The following ATP11A variants were observed in gnomAD, a reference collection of about 807,000 sequenced individuals.
The protein encoded by ATP11A is ATPase phospholipid transporting 11A.
Under a neutral mutation model 154.4 loss-of-function variants are expected in ATP11A, and 81 were observed. That is an observed-to-expected ratio of 0.52 (90% CI 0.44 to 0.63). The LOEUF is 0.63. Ranked by LOEUF, ATP11A falls within the 30% of genes least tolerant of loss-of-function variation. The probability of loss-of-function intolerance (pLI) is 0.00; values close to 1 mark genes in which losing one functional copy is unlikely to be tolerated. For missense variants in ATP11A, 1,316 were observed against 1,474.3 expected, an observed-to-expected ratio of 0.89 and a Z score of 1.76; for synonymous variants, 623 against 585.9, an observed-to-expected ratio of 1.06 and a Z score of -0.91.
rs2080900723 is a variant in ATP11A at position 112,882,079 on chromosome 13, C to A, written c.*213C>A. The A allele has an allele frequency of 2.9e-6, 4 of 1,364,750 alleles. No individual in the cohort carries two copies. Among genetic ancestry groups the A allele is most frequent in the Non-Finnish European group, 3.9e-6 (4 of 1,020,092 alleles). 84.5% of individuals were successfully genotyped at this position (1,364,750 alleles called of 1,614,324 possible). A position where few individuals can be genotyped will look rare whatever the true frequency, so the allele number is the denominator to read the frequency against. On this transcript the variant is annotated 3_prime_UTR_variant, in exon 30 of 30. Coordinates refer to ENST00000375645, the MANE Select transcript of ATP11A (RefSeq NM_015205.3). The surrounding 1 kb of genome is among the most constrained non-coding windows in gnomAD (Gnocchi z 5.1). ...TGCTCGTGTGATGGATGGTCCTAAG[C>A]CTGTGGAGACTGTGCACGTGCCTCT...
At chr13:112,842,404 T>C in intron 17 of ATP11A, 25 bp downstream of exon 17, 1 of 1,531,124 alleles carries the variant, frequency 6.5e-7, no homozygotes, top group South Asian at 1.2e-5. Context: ...GGGGAGGGCC[T>C]CGTGGCGGTC....
In ATP11A at chr13:112,851,017, C is replaced by T. The variant is rs373808270; in HGVS notation, c.1810-20C>T. On this transcript the variant is annotated intron_variant, in intron 17 of 29. Coordinates refer to ENST00000375645, the MANE Select transcript of ATP11A (RefSeq NM_015205.3). The stretch of plus-strand genomic sequence containing the variant: ...AGTGACACCTTGAATTCGTGCTAAA[C>T]GCTGCATTGTGTTCTGCAGGAGGGG... 42 of 1,607,576 alleles carry T rather than the reference C, an allele frequency of 2.6e-5. No individual in the cohort carries two copies. The African/African-American group carries it at 3.9e-4, about 15-fold the overall frequency.
At chr13:112,856,978 G>T (rs1022385086) in intron 20 of ATP11A, among the ~76,000 whole-genome samples, 2 of 152,194 alleles carry the variant, frequency 1.3e-5, no homozygotes, top group African/African-American at 4.8e-5. Flanking sequence ...TGAGGAAGAC[G>T]GTTTGATGTC....
intron 1 of ATP11A, among the ~76,000 whole-genome samples, chr13:112,776,434 C>T (rs917953039): frequency 3.3e-5 from 5 of 152,134 alleles, no homozygotes; most frequent in African/African-American, 1.2e-4. Context: ...CAGTGCTGCC[C>T]CTCAAAAGGC....
In ATP11A at chr13:112,746,948, C is replaced by T. The variant is rs1371861695; in HGVS notation, c.40-38187C>T. Reference sequence around the variant, plus strand: ...TGAGGTTCTTTGCCTATTTTAAAATCGGGTAATTGATTTTTTTCTGTCATT... The same window carrying T: ...TGAGGTTCTTTGCCTATTTTAAAATTGGGTAATTGATTTTTTTCTGTCATT... On this transcript the variant is annotated intron_variant, in intron 1 of 29. Coordinates refer to ENST00000375645, the MANE Select transcript of ATP11A (RefSeq NM_015205.3). This position sits in a 1 kb window ranked among gnomAD's most constrained non-coding sequence, Gnocchi z 4.1. 6.6e-6 allele frequency: 1 copy of T among 151,010 alleles called. No individual in the cohort carries two copies. The highest frequency in any genetic ancestry group is 1.5e-5 in the Non-Finnish European group (1 of 67,932). The allele number at this position is 151,010 out of a possible 1,614,324, so 9.4% of individuals were successfully genotyped here.
At chr13:112,776,317 T>C (rs550693501) in intron 1 of ATP11A, among the ~76,000 whole-genome samples, 16 of 152,256 alleles carry the variant, frequency 1.1e-4, no homozygotes, top group Middle Eastern at 3.4e-3. Context: ...ACTGGGCGCA[T>C]TGGAGCAAAT....
At chr13:112,878,173 G>T (rs375621242) in intron 28 of ATP11A, 44 bp from the exon 29 acceptor site, 21 of 1,567,928 alleles carry the variant, frequency 1.3e-5, no homozygotes, top group Admixed American at 3.3e-5. Context: ...CTCACACCTT[G>T]TTCACACACC....
At chr13:112,840,122 C>T (rs2079355959) in intron 16 of ATP11A, among the ~76,000 whole-genome samples, 1 of 148,040 alleles carries the variant, frequency 6.8e-6, no homozygotes, top group Non-Finnish European at 1.5e-5. Flanking sequence ...GCCTCAGCCT[C>T]CCCACTCTCC....
intron 1 of ATP11A, among the ~76,000 whole-genome samples, chr13:112,708,492 C>G (rs1226821219): frequency 6.6e-6 from 1 of 152,174 alleles, no homozygotes; most frequent in Non-Finnish European, 1.5e-5. Context: ...ATGAAATTGA[C>G]TAGAAACCCT....
chr13:112,800,974 C>T (rs1041241356), intron 2 of ATP11A, among the ~76,000 whole-genome samples: 1 of 152,174 alleles, frequency 6.6e-6, no homozygotes, highest in Admixed American at 6.5e-5. Flanking sequence ...AAACTAAAAA[C>T]AGAGGGGAAT....
chr13:112,827,685 G>A (rs2070431457), intron 12 of ATP11A, among the ~76,000 whole-genome samples: 1 of 152,244 alleles, frequency 6.6e-6, no homozygotes, highest in South Asian at 2.1e-4. Flanking sequence ...TAGCGATTTT[G>A]AAGGATATTT....
chr13:112,823,953 T>C (rs1157319848), intron 9 of ATP11A, among the ~76,000 whole-genome samples: 2 of 152,360 alleles, frequency 1.3e-5, no homozygotes, highest in Non-Finnish European at 1.5e-5. Flanking sequence ...TTACTTCTGA[T>C]ACCTAGCACG....
In ATP11A at chr13:112,886,056, A is replaced by C. The variant is rs530711172; in HGVS notation, c.*4190A>C. On this transcript the variant is annotated 3_prime_UTR_variant, in exon 30 of 30. Transcript: ENST00000375645. ...CACCCACGCCGCACCTCATCCGTGC[A>C]CGCGTCGGAGCACGGCCAGCCTTCC... 3 of 152,440 alleles carry C rather than the reference A, an allele frequency of 2.0e-5. No homozygotes were observed. The highest frequency in any genetic ancestry group is 7.2e-5 in the African/African-American group (3 of 41,590). 9.4% of individuals were successfully genotyped at this position (152,440 alleles called of 1,614,324 possible).
At chr13:112,716,789 G>A (rs1888507435) in intron 1 of ATP11A, among the ~76,000 whole-genome samples, 1 of 152,220 alleles carries the variant, frequency 6.6e-6, no homozygotes, top group Non-Finnish European at 1.5e-5. Flanking sequence ...GCTCCTGCAG[G>A]GCCCAGGTGG....
At chr13:112,702,210 G>A (rs1038163296) in intron 1 of ATP11A, among the ~76,000 whole-genome samples, 2 of 151,938 alleles carry the variant, frequency 1.3e-5, no homozygotes, top group Non-Finnish European at 2.9e-5. Context: ...GCTGGGCATC[G>A]TGGCGGGCAC....
intron 16 of ATP11A, among the ~76,000 whole-genome samples, chr13:112,837,103 G>A (rs2079258380): frequency 6.6e-6 from 1 of 152,234 alleles, no homozygotes; most frequent in Non-Finnish European, 1.5e-5. Context: ...GCCCCTGGCT[G>A]TTTGCCCTGG....
rs191393347 is a variant in ATP11A, at chr13:112,812,891, T to G, written c.441+2165T>G. ...GTCAGCAGGCATCCGGTCCCAGGCC[T>G]TCAACGCCATTTCCTTTAATGATTA... On this transcript the variant is annotated intron_variant, in intron 5 of 29. Transcript: ENST00000375645. Among the ~76,000 whole-genome samples, 795 of 152,322 alleles carry G rather than the reference T, an allele frequency of 5.2e-3. 3 individuals are homozygous for G. Among genetic ancestry groups the G allele is most frequent in the Middle Eastern group, 0.014 (4 of 294 alleles).
Position 112,807,894 on chromosome 13 carries a change from C to A in ATP11A, c.333+1601C>A, listed in dbSNP as rs566894742. On this transcript the variant is annotated intron_variant, in intron 4 of 29. Coordinates refer to ENST00000375645, the MANE Select transcript of ATP11A (RefSeq NM_015205.3). The surrounding 1 kb of genome is among the most constrained non-coding windows in gnomAD (Gnocchi z 4.5). ...CTGAGGCTCTATGGCTCTGTTCTTTCCAGCCTGGCCCCAGGAGGCAGGCGT... is the reference window on the plus strand; with the variant it reads ...CTGAGGCTCTATGGCTCTGTTCTTTACAGCCTGGCCCCAGGAGGCAGGCGT... Among the ~76,000 whole-genome samples, 1 of 152,250 alleles carries A rather than the reference C, an allele frequency of 6.6e-6. No individual in the cohort carries two copies. Among genetic ancestry groups the A allele is most frequent in the South Asian group, 2.1e-4 (1 of 4,816 alleles).
rs911188292 is a variant in ATP11A at position 112,859,206 on chromosome 13, C to T, written c.2668-187C>T. On this transcript the variant is annotated intron_variant, in intron 22 of 29. Coordinates refer to ENST00000375645, the MANE Select transcript of ATP11A (RefSeq NM_015205.3). This position sits in a 1 kb window ranked among gnomAD's most constrained non-coding sequence, Gnocchi z 4.3. Reference sequence around the variant, plus strand: ...CGTTGTCTGTCCTGAGTGGCCAAAACGTGGTCACATGTGCATTTCAGTTGC... The same window carrying T: ...CGTTGTCTGTCCTGAGTGGCCAAAATGTGGTCACATGTGCATTTCAGTTGC... The T allele has an allele frequency of 4.9e-6, 3 of 612,490 alleles. No individual in the cohort carries two copies. The highest frequency in any genetic ancestry group is 3.7e-5 in the African/African-American group (2 of 54,592). 37.9% of individuals were successfully genotyped at this position (612,490 alleles called of 1,614,324 possible). A position where few individuals can be genotyped will look rare whatever the true frequency, so the allele number is the denominator to read the frequency against.
Sources: allele counts gnomAD v4.1 joint callset (sites outside exome capture counted in the v4.1 genomes callset), GRCh38; gene constraint gnomAD v4.1.1; non-coding constraint Gnocchi (gnomAD v3.1); transcripts MANE v1.5; gene names NCBI Gene and HGNC (gene_info 2026-07-23, HGNC 2026-07-21).